CACNA1C: variants seen among roughly 807,000 people sequenced by gnomAD.
CACNA1C encodes the protein calcium voltage-gated channel subunit alpha1 C.
CACNA1C carries 30 observed loss-of-function variants against 229.0 expected under a neutral mutation model. The ratio of observed to expected loss-of-function variants is 0.13; its 90% confidence interval spans 0.10 to 0.18. The LOEUF (loss-of-function observed/expected upper bound fraction) is 0.18, where lower values mean the gene tolerates loss of function less well. Ranked by LOEUF, CACNA1C falls within the 10% of genes least tolerant of loss-of-function variation. CACNA1C has a pLI of 1.00. For missense variants in CACNA1C, 1,658 were observed against 2,845.0 expected (o/e 0.58, Z 9.49); for synonymous variants, 1,114 against 1,132.5 (o/e 0.98, Z 0.33).
At position 2,585,714 on chromosome 12, in the gene CACNA1C, T is replaced by C. The variant is rs2062153828; in HGVS notation, c.2461-121T>C. 2.2e-6 allele frequency: 2 copies of C among 910,704 alleles called. No individual in the cohort carries two copies. The highest frequency in any genetic ancestry group is 2.6e-5 in the East Asian group (1 of 38,000). The allele number at this position is 910,704 out of a possible 1,614,324, so 56.4% of individuals were successfully genotyped here. A position where few individuals can be genotyped will look rare whatever the true frequency, so the allele number is the denominator to read the frequency against. ...GATGTCTTGAAGGAGATATGCAAAG[T>C]GACAAGTACCTATTTTTGAGCTAAG... On this transcript the variant is annotated intron_variant, in intron 17 of 46. Transcript: ENST00000399655. The surrounding 1 kb of genome is among the most constrained non-coding windows in gnomAD (Gnocchi z 4.1).
At chr12:2,082,255 T>C (rs746348099) in intron 1 of CACNA1C, among the ~76,000 whole-genome samples, 10 of 152,214 alleles carry the variant, frequency 6.6e-5, no homozygotes, top group Non-Finnish European at 1.3e-4. Flanking sequence ...TGCCCCTCAC[T>C]GTTTCCTTCT....
In CACNA1C at chr12:2,654,481, T is replaced by C. The variant is rs1207032625; in HGVS notation, c.4140+581T>C. ...AAACCTAGGGCTCTCCATTCCCGTC[T>C]TGGGGCTCCAGCTTGAGTCCCAAGG... On this transcript the variant is annotated intron_variant, in intron 33 of 46. Coordinates refer to ENST00000399655, the MANE Select transcript of CACNA1C (RefSeq NM_000719.7). This position sits in a 1 kb window ranked among gnomAD's most constrained non-coding sequence, Gnocchi z 4.4. Among the ~76,000 whole-genome samples, 4 of 152,324 alleles carry C rather than the reference T, an allele frequency of 2.6e-5. No homozygotes were observed. The highest frequency in any genetic ancestry group is 1.9e-4 in the East Asian group (1 of 5,176).
intron 3 of CACNA1C, among the ~76,000 whole-genome samples, chr12:2,197,333 C>T (rs546393476): frequency 6.6e-6 from 1 of 152,306 alleles, no homozygotes; most frequent in South Asian, 2.1e-4. Flanking sequence ...CTGCCCCCAT[C>T]CCCCTGCATC....
intron 3 of CACNA1C, among the ~76,000 whole-genome samples, chr12:2,141,245 T>G (rs529289370): frequency 1.1e-4 from 16 of 151,304 alleles, no homozygotes; most frequent in Non-Finnish European, 2.2e-4. Flanking sequence ...CAGGTCTGTG[T>G]GCTTCCCAAG....
chr12:2,341,767 G>A (rs1393664368), intron 3 of CACNA1C, among the ~76,000 whole-genome samples: 2 of 152,230 alleles, frequency 1.3e-5, no homozygotes, highest in South Asian at 2.1e-4. Context: ...TCATTCAGGG[G>A]TAACTGACTG....
chr12:2,319,289 G>A lies in CACNA1C; in HGVS notation c.478-129687G>A, dbSNP rs955714402. Among the ~76,000 whole-genome samples, 1 of 152,002 alleles carries A rather than the reference G, an allele frequency of 6.6e-6. No homozygotes were observed. The highest frequency in any genetic ancestry group is 2.4e-5 in the African/African-American group (1 of 41,384). On this transcript the variant is annotated intron_variant, in intron 3 of 46. Transcript: ENST00000399655. This position sits in a 1 kb window ranked among gnomAD's most constrained non-coding sequence, Gnocchi z 4.0. Reference sequence around the variant, plus strand: ...CGTGCATGGTGGGTGGCCTGTGGGGGCAGCGTGCATGAAGGCGGCATGCAT... The same window carrying A: ...CGTGCATGGTGGGTGGCCTGTGGGGACAGCGTGCATGAAGGCGGCATGCAT...
intron 3 of CACNA1C, among the ~76,000 whole-genome samples, chr12:2,394,802 C>T (rs1362914613): frequency 6.6e-6 from 1 of 152,144 alleles, no homozygotes. Flanking sequence ...GTAGTACCAA[C>T]CCAGTGAGTC....
At chr12:2,356,053 A>T (rs1253502182) in intron 3 of CACNA1C, among the ~76,000 whole-genome samples, 3 of 152,224 alleles carry the variant, frequency 2.0e-5, no homozygotes, top group Admixed American at 2.0e-4. Context: ...GCTGAATTGA[A>T]TTCATTTAGT....
intron 3 of CACNA1C, among the ~76,000 whole-genome samples, chr12:2,127,282 C>T (rs1565860550): frequency 1.3e-5 from 2 of 152,190 alleles, no homozygotes; most frequent in East Asian, 1.9e-4. Flanking sequence ...GCCCTATCGC[C>T]CCCCGTGCTT....
chr12:2,344,942 G>A (rs575381086), intron 3 of CACNA1C, among the ~76,000 whole-genome samples: 1 of 151,482 alleles, frequency 6.6e-6, no homozygotes, highest in Non-Finnish European at 1.5e-5. Flanking sequence ...TGCCCTAAGA[G>A]ACTAGCTTTG....
chr12:2,431,876 C>T (rs2099089157), intron 3 of CACNA1C, among the ~76,000 whole-genome samples: 1 of 152,120 alleles, frequency 6.6e-6, no homozygotes, highest in Admixed American at 6.5e-5. Flanking sequence ...CCCTGGTGTT[C>T]CAAACCCCAA....
intron 1 of CACNA1C, among the ~76,000 whole-genome samples, chr12:2,038,355 T>C (rs2049503134): frequency 6.6e-6 from 1 of 152,196 alleles, no homozygotes; most frequent in African/African-American, 2.4e-5. Flanking sequence ...TTATAATCAC[T>C]AATAGGATGC....
rs1428591728 is a variant in CACNA1C at position 2,556,990 on chromosome 12, C to CA, written c.1508+14dup. 3.7e-6 allele frequency: 6 copies of CA among 1,610,178 alleles called. No homozygotes were observed. Among genetic ancestry groups the CA allele is most frequent in the South Asian group, 2.2e-5 (2 of 91,012 alleles). ...AGTCAAAGTTCAGGTGAGTGAGACT[C>CA]ACGCTGCTCTTCCTTCCTTCTGCCA... is the stretch of plus-strand genomic sequence containing the variant. On this transcript the variant is annotated intron_variant, in intron 11 of 46. Transcript: ENST00000399655.
intron 1 of CACNA1C, among the ~76,000 whole-genome samples, chr12:2,106,452 C>G (rs1242454274): frequency 3.1e-5 from 3 of 96,624 alleles, no homozygotes; most frequent in Admixed American, 9.9e-5. Flanking sequence ...GTTTCCACCT[C>G]AGCTGGGGTG....
At position 2,152,174 on chromosome 12, in the gene CACNA1C, C is replaced by T. The variant is rs2095313824; in HGVS notation, c.477+31744C>T. ...CATGCACATTAATGTAGGGATTGTTCATACAAAAGAGGGCAAAGATGCCAC... is the reference window on the plus strand; with the variant it reads ...CATGCACATTAATGTAGGGATTGTTTATACAAAAGAGGGCAAAGATGCCAC... On this transcript the variant is annotated intron_variant, in intron 3 of 46. Transcript: ENST00000399655. This position sits in a 1 kb window ranked among gnomAD's most constrained non-coding sequence, Gnocchi z 4.2. Among the ~76,000 whole-genome samples, 1 of 152,176 alleles carries T rather than the reference C, an allele frequency of 6.6e-6. No homozygotes were observed. Among genetic ancestry groups the T allele is most frequent in the African/African-American group, 2.4e-5 (1 of 41,438 alleles).
chr12:2,196,811 G>A (rs1043452983), intron 3 of CACNA1C, among the ~76,000 whole-genome samples: 5 of 152,212 alleles, frequency 3.3e-5, no homozygotes, highest in Non-Finnish European at 5.9e-5. Flanking sequence ...CAGAGCAGCA[G>A]GGTTTAGCCT....
At chr12:2,414,163 G>A (rs1050667256) in intron 3 of CACNA1C, among the ~76,000 whole-genome samples, 3 of 152,158 alleles carry the variant, frequency 2.0e-5, no homozygotes, top group Admixed American at 1.3e-4. Flanking sequence ...TGTAAGATGG[G>A]GATGACACTA....
chr12:2,572,379 C>CCTCCT (rs1420403134), intron 13 of CACNA1C, among the ~76,000 whole-genome samples: 1 of 38,118 alleles, frequency 2.6e-5, no homozygotes, highest in Non-Finnish European at 5.3e-5. Flanking sequence ...TCCTCTTCCT[C>CCTCCT]CTCTTCCTCC....
At chr12:2,352,136 A>G (rs1593736408) in intron 3 of CACNA1C, among the ~76,000 whole-genome samples, 1 of 152,168 alleles carries the variant, frequency 6.6e-6, no homozygotes, top group South Asian at 2.1e-4. Flanking sequence ...TGGTGTGAAG[A>G]CAGACAGTCT....
Sources: gnomAD v4.1 joint callset for allele counts (sites outside exome capture counted in the v4.1 genomes callset) on GRCh38, gnomAD v4.1.1 for gene constraint, Gnocchi (gnomAD v3.1) non-coding constraint, MANE v1.5 for transcripts, NCBI Gene and HGNC (gene_info 2026-07-23, HGNC 2026-07-21) for gene names.